The following ZNF721 variants were observed in gnomAD, a reference collection of about 807,000 sequenced individuals.
The protein encoded by ZNF721 is zinc finger protein 721.
A neutral mutation model predicts 2.4 loss-of-function variants in ZNF721; 2 were observed. The ratio of observed to expected loss-of-function variants is 0.82; its 90% CI spans 0.34 to 2.58. The LOEUF is 2.58. Ranked by LOEUF, ZNF721 falls within the 30% of genes most tolerant of loss-of-function variation. The probability of loss-of-function intolerance (pLI) is 0.11; values close to 1 mark genes in which losing one functional copy is unlikely to be tolerated. For synonymous variants in ZNF721, 398 were observed against 381.8 expected (o/e 1.04, Z -0.50); for missense variants, 1,187 against 1,085.5 (o/e 1.09, Z -1.31).
Position 463,501 on chromosome 4 carries a change from C to G in ZNF721, c.34+9074G>C, listed in dbSNP as rs952339465. Among the ~76,000 whole-genome samples, 7 of 152,104 alleles carry G rather than the reference C, an allele frequency of 4.6e-5. No individual in the cohort carries two copies. The East Asian group carries it at 1.3e-3, about 29-fold the overall frequency. On this transcript the variant is annotated intron_variant, in intron 2 of 2. Transcript: ENST00000511833. Reference sequence around the variant, plus strand: ...GTTTACAGTAGCAAAGATTTGGAACCAACCCAAATGCCCATCAATGGTAGA... The same window carrying G: ...GTTTACAGTAGCAAAGATTTGGAACGAACCCAAATGCCCATCAATGGTAGA...
At chr4:474,140 A>G (rs1286627178) in intron 1 of ZNF721, 1 of 915,378 alleles carries the variant, frequency 1.1e-6, no homozygotes, top group Non-Finnish European at 1.6e-6. Flanking sequence ...AGGCTGAAGC[A>G]ACAGGCCAAG....
intron 2 of ZNF721, among the ~76,000 whole-genome samples, chr4:462,877 G>A (rs1553866273): frequency 6.6e-6 from 1 of 152,080 alleles, no homozygotes; most frequent in Non-Finnish European, 1.5e-5. Flanking sequence ...CAAAAGCAAT[G>A]GCAACAAAAG....
intron 1 of ZNF721, among the ~76,000 whole-genome samples, chr4:489,907 T>G (rs1715981196): frequency 6.6e-6 from 1 of 152,148 alleles, no homozygotes; most frequent in Non-Finnish European, 1.5e-5. Flanking sequence ...GTCGCCAGGT[T>G]GGAGTGCAGC....
intron 2 of ZNF721, chr4:453,459 ATT>A (rs1286314231): frequency 6.6e-6 from 1 of 152,236 alleles, no homozygotes; most frequent in African/African-American, 2.4e-5. Context: ...TTGACAGACT[ATT>A]TAATCAGCTG....
At chr4:449,050 A>G (rs1302788860) in intron 2 of ZNF721, among the ~76,000 whole-genome samples, 2 of 152,164 alleles carry the variant, frequency 1.3e-5, no homozygotes, top group African/African-American at 4.8e-5. Flanking sequence ...TAAAAAGCAG[A>G]ATTGTTTTTG....
In ZNF721 at chr4:472,676, G is replaced by A. The variant is rs1715474523; in HGVS notation, c.-68C>T. 6.2e-7 allele frequency: 1 copy of A among 1,613,278 alleles called. No homozygotes were observed. ...CCACTCTTCTGGAGAGAATTCTATGGCCACATCCCTGAATGTTAAGGGTTC... is the reference window on the plus strand; with the variant it reads ...CCACTCTTCTGGAGAGAATTCTATGACCACATCCCTGAATGTTAAGGGTTC... On this transcript the variant is annotated 5_prime_UTR_variant, in exon 2 of 3. Transcript: ENST00000511833.
intron 2 of ZNF721, among the ~76,000 whole-genome samples, chr4:472,096 CTT>C (rs1280000757): frequency 1.4e-4 from 21 of 152,312 alleles, no homozygotes; most frequent in African/African-American, 3.1e-4. Flanking sequence ...GAGTTTTGCT[CTT>C]GTCTCCCAGA....
At chr4:447,326 TAA>T (rs1242061654) in intron 2 of ZNF721, among the ~76,000 whole-genome samples, 4 of 151,526 alleles carry the variant, frequency 2.6e-5, no homozygotes, top group Non-Finnish European at 4.4e-5. Flanking sequence ...CGTCTCAAAA[TAA>T]ATAAATAAAT....
chr4:466,123 T>C (rs1715243360), intron 2 of ZNF721, among the ~76,000 whole-genome samples: 1 of 151,940 alleles, frequency 6.6e-6, no homozygotes, highest in Non-Finnish European at 1.5e-5. Context: ...CAGCCTCAGT[T>C]ATTAAAAGAA....
rs868988015 is a variant in ZNF721 at position 444,986 on chromosome 4, T to A, written c.35-554A>T. 4.0e-3 allele frequency among the ~76,000 whole-genome samples: 577 copies of A among 145,468 alleles called. 3 individuals carry two copies. Among genetic ancestry groups the A allele is most frequent in the Non-Finnish European group, 7.1e-3 (472 of 66,076 alleles). On this transcript the variant is annotated intron_variant, in intron 2 of 2. Transcript: ENST00000511833. ...ACAGCAAGTGATGAGAGACTTTTTT[T>A]TTTTTTTTTTTTTTTTGAGATGGAG...
Position 499,105 on chromosome 4 carries a change from G to C in ZNF721, c.-143C>G, listed in dbSNP as rs1716532272. The C allele has an allele frequency of 5.5e-6, 3 of 546,526 alleles. No individual in the cohort carries two copies. In the Admixed American group the frequency reaches 1.1e-4, roughly 20 times the overall value. 33.9% of individuals were successfully genotyped at this position (546,526 alleles called of 1,614,324 possible). A position where few individuals can be genotyped will look rare whatever the true frequency, so the allele number is the denominator to read the frequency against. The stretch of plus-strand genomic sequence containing the variant: ...GGACTCGCCGGGAAGACGGCCCCAC[G>C]GAGCCGGGAACACCGCCCGCTGTTC... On this transcript the variant is annotated 5_prime_UTR_variant, in exon 1 of 3. Transcript: ENST00000511833.
intron 2 of ZNF721, among the ~76,000 whole-genome samples, chr4:451,898 T>C (rs1714677837): frequency 6.6e-6 from 1 of 152,166 alleles, no homozygotes; most frequent in South Asian, 2.1e-4. Flanking sequence ...GAACTGGCCT[T>C]TTTGAAAATT....
At chr4:497,441 G>A (rs1031670596) in intron 1 of ZNF721, among the ~76,000 whole-genome samples, 1 of 152,090 alleles carries the variant, frequency 6.6e-6, no homozygotes. Context: ...CGAGAAAAAT[G>A]ACAAGTCTTA....
chr4:442,173 G>A lies in ZNF721; in HGVS notation c.2294C>T (p.Ser765Phe). ...TTTCTCATGTCTATTCAGGTGTGAGGACTGTTTAAACACTTTCCCACATTC... is the reference window on the plus strand; with the variant it reads ...TTTCTCATGTCTATTCAGGTGTGAGAACTGTTTAAACACTTTCCCACATTC... ...CKECGKVFKQ[S>F]SHLNRHEKIH... Residue 765 changes from serine to phenylalanine, a missense_variant, in exon 3 of 3, where the codon TCC becomes TTC. By Grantham distance (155) the Ser-to-Phe change is radical (BLOSUM62 -2). Transcript: ENST00000511833. 1.2e-6 allele frequency: 2 copies of A among 1,612,484 alleles called. No homozygotes were observed. Among genetic ancestry groups the A allele is most frequent in the Non-Finnish European group, 1.7e-6 (2 of 1,178,940 alleles).
At chr4:479,207 C>G (rs976924038) in intron 1 of ZNF721, among the ~76,000 whole-genome samples, 1 of 152,178 alleles carries the variant, frequency 6.6e-6, no homozygotes, top group Non-Finnish European at 1.5e-5. Context: ...CTGTAGCACA[C>G]AGTCACGAAT....
chr4:493,465 G>C (rs188062781), intron 1 of ZNF721, among the ~76,000 whole-genome samples: 1 of 152,150 alleles, frequency 6.6e-6, no homozygotes, highest in Non-Finnish European at 1.5e-5. Context: ...GGTCACCTAC[G>C]GTCAGGAGTT....
rs1560223791 is a variant in ZNF721 at position 443,039 on chromosome 4, C to T, written c.1428G>A (p.Lys476=). The change falls in exon 3 of 3, where the codon AAG becomes AAA. Residue 476 remains lysine, a synonymous_variant. Coordinates refer to ENST00000511833, the MANE Select transcript of ZNF721 (RefSeq NM_133474.4). ...ATGAGGTAATGACTTTGCCACATTGCTTACATTTGTAGGGTTTCTTTCCAG... is the reference window on the plus strand; with the variant it reads ...ATGAGGTAATGACTTTGCCACATTGTTTACATTTGTAGGGTTTCTTTCCAG... ...IHTGKKPYKC[K]QCGKVITSSS... is the part of the protein sequence containing the mutation. The T allele has an allele frequency of 6.2e-7, 1 of 1,613,676 alleles. No homozygotes were observed.
rs1553867868 is a variant in ZNF721 at position 472,572 on chromosome 4, C to T, written c.34+3G>A. 1 of 1,610,118 alleles carries T rather than the reference C, an allele frequency of 6.2e-7. No individual in the cohort carries two copies. On this transcript the variant is annotated splice_donor_region_variant and intron_variant, in intron 2 of 2. Transcript: ENST00000511833. ...AGGAATTATGCATTAAAGTTATCCT[C>T]ACCTAGGGAGACCAGGTTTCTGTAG... is the stretch of plus-strand genomic sequence containing the variant.
At chr4:465,730 G>A (rs1440995487) in intron 2 of ZNF721, among the ~76,000 whole-genome samples, 1 of 151,594 alleles carries the variant, frequency 6.6e-6, no homozygotes, top group East Asian at 1.9e-4. Context: ...CACTGTGCCT[G>A]GCCAAGCTAC....
Sources: allele counts gnomAD v4.1 joint callset (sites outside exome capture counted in the v4.1 genomes callset), GRCh38; gene constraint gnomAD v4.1.1; transcripts MANE v1.5; gene names NCBI Gene and HGNC (gene_info 2026-07-23, HGNC 2026-07-21).